The following PDGFC variants were observed in gnomAD, a reference collection of about 807,000 sequenced individuals.
The protein encoded by PDGFC is platelet-derived growth factor C.
Under a neutral mutation model 35.5 loss-of-function variants are expected in PDGFC, and 12 were observed. That is an observed-to-expected ratio of 0.34 (90% CI 0.22 to 0.55). PDGFC has a LOEUF of 0.55. PDGFC is among the 20% of genes least tolerant of loss of function. PDGFC has a pLI of 0.91. For synonymous variants in PDGFC, 159 were observed against 148.8 expected (o/e 1.07, Z -0.50); for missense variants, 322 against 412.4 (o/e 0.78, Z 1.90).
At chr4:156,845,495 A>C (rs1729305184) in intron 2 of PDGFC, among the ~76,000 whole-genome samples, 1 of 151,812 alleles carries the variant, frequency 6.6e-6, no homozygotes, top group East Asian at 1.9e-4. Context: ...ATCTAATTCC[A>C]ATTCTGTCGG....
intron 1 of PDGFC, among the ~76,000 whole-genome samples, chr4:156,965,297 G>C (rs1406934360): frequency 6.6e-6 from 1 of 152,048 alleles, no homozygotes; most frequent in Non-Finnish European, 1.5e-5. Flanking sequence ...ATACTCATCG[G>C]GCACACTCTG....
At chr4:156,837,481 T>C (rs930830933) in intron 2 of PDGFC, among the ~76,000 whole-genome samples, 2 of 152,270 alleles carry the variant, frequency 1.3e-5, no homozygotes, top group East Asian at 1.9e-4. Flanking sequence ...GATAGTAACA[T>C]GAATATTTCT....
At chr4:156,805,251 T>C (rs987526941) in intron 3 of PDGFC, among the ~76,000 whole-genome samples, 17 of 151,988 alleles carry the variant, frequency 1.1e-4, no homozygotes, top group Admixed American at 3.3e-4. Flanking sequence ...AATATACAAG[T>C]ATATTGTATA....
At chr4:156,796,544 C>T in intron 3 of PDGFC, among the ~76,000 whole-genome samples, 2 of 126,946 alleles carry the variant, frequency 1.6e-5, no homozygotes, top group East Asian at 2.5e-4. Flanking sequence ...ACAATTATCT[C>T]AAAATAAAAC....
At chr4:156,877,480 G>A (rs2111161187) in intron 1 of PDGFC, among the ~76,000 whole-genome samples, 1 of 152,126 alleles carries the variant, frequency 6.6e-6, no homozygotes, top group East Asian at 1.9e-4. Context: ...GACTATGTAA[G>A]TTATTTTTAT....
rs1305555094 is a variant in PDGFC, at chr4:156,826,183, T to A, written c.315-15166A>T. On this transcript the variant is annotated intron_variant, in intron 2 of 5. Transcript: ENST00000502773. The stretch of plus-strand genomic sequence containing the variant: ...TCCAGCTTTGAGTTGGATTTTTTTT[T>A]TTTTTTTTTTTTTTTTTTTTTTTTT... Among the ~76,000 whole-genome samples, 187 of 97,918 alleles carry A rather than the reference T, an allele frequency of 1.9e-3. 9 individuals carry two copies. In the East Asian group the frequency reaches 0.043, roughly 23 times the overall value. The allele number at this position is 97,918 out of a possible 152,430, so 64.2% of individuals were successfully genotyped here.
intron 1 of PDGFC, among the ~76,000 whole-genome samples, chr4:156,929,574 G>T (rs1731501464): frequency 1.3e-5 from 2 of 151,986 alleles, no homozygotes; most frequent in South Asian, 4.2e-4. Flanking sequence ...CAGCCTTCCG[G>T]AATATACCAA....
At chr4:156,934,068 T>C (rs1209944589) in intron 1 of PDGFC, among the ~76,000 whole-genome samples, 5 of 152,230 alleles carry the variant, frequency 3.3e-5, no homozygotes, top group African/African-American at 1.2e-4. Context: ...GCATGAATTA[T>C]AGTGCCTTGT....
chr4:156,925,608 G>A lies in PDGFC; in HGVS notation c.118+45178C>T, dbSNP rs935198688. Among the ~76,000 whole-genome samples, 3 of 152,086 alleles carry A rather than the reference G, an allele frequency of 2.0e-5. No homozygotes were observed. In the South Asian group the frequency reaches 6.2e-4, roughly 32 times the overall value. Reference sequence around the variant, plus strand: ...TTAAGATGCCTATGAGATCTCTGCAGATAGATAATTATACAGGTTTGGAAT... The same window carrying A: ...TTAAGATGCCTATGAGATCTCTGCAAATAGATAATTATACAGGTTTGGAAT... On this transcript the variant is annotated intron_variant, in intron 1 of 5. Transcript: ENST00000502773.
intron 3 of PDGFC, among the ~76,000 whole-genome samples, chr4:156,797,764 G>A (rs572779534): frequency 6.6e-5 from 10 of 152,300 alleles, no homozygotes; most frequent in South Asian, 2.1e-4. Context: ...GGTCACCTGC[G>A]AGCGGTTGAA....
At chr4:156,956,083 C>T (rs1401172000) in intron 1 of PDGFC, among the ~76,000 whole-genome samples, 2 of 152,032 alleles carry the variant, frequency 1.3e-5, no homozygotes, top group African/African-American at 2.4e-5. Context: ...ACACAAAGGA[C>T]ATTTTGTTTA....
chr4:156,924,285 G>A (rs1348347835), intron 1 of PDGFC, among the ~76,000 whole-genome samples: 3 of 152,138 alleles, frequency 2.0e-5, no homozygotes, highest in Non-Finnish European at 2.9e-5. Context: ...TTTATTCTGT[G>A]TAAAATCATT....
chr4:156,870,614 C>T (rs189366161), intron 1 of PDGFC, among the ~76,000 whole-genome samples: 29 of 152,160 alleles, frequency 1.9e-4, no homozygotes, highest in African/African-American at 7.0e-4. Flanking sequence ...ATTACGAAGA[C>T]ACTTCCACAA....
intron 1 of PDGFC, among the ~76,000 whole-genome samples, chr4:156,922,535 G>A (rs1169543932): frequency 6.6e-6 from 1 of 152,116 alleles, no homozygotes; most frequent in Admixed American, 6.5e-5. Context: ...ATGACAAAAT[G>A]GCACAGACCT....
intron 3 of PDGFC, among the ~76,000 whole-genome samples, chr4:156,779,532 C>T (rs913037691): frequency 6.6e-6 from 1 of 152,276 alleles, no homozygotes; most frequent in Non-Finnish European, 1.5e-5. Context: ...AAAAGCAATA[C>T]ATTTTAAGGC....
At chr4:156,767,685 T>G in intron 5 of PDGFC, 88 bp downstream of exon 5, 1 of 816,476 alleles carries the variant, frequency 1.2e-6, no homozygotes, top group Non-Finnish European at 2.0e-6. Flanking sequence ...TACGTCTTTT[T>G]TCCAAACATA....
intron 1 of PDGFC, among the ~76,000 whole-genome samples, chr4:156,870,973 T>C (rs1035259875): frequency 6.6e-6 from 1 of 152,062 alleles, no homozygotes; most frequent in Non-Finnish European, 1.5e-5. Flanking sequence ...GCTGAGTGGT[T>C]CAAAACACTA....
intron 1 of PDGFC, among the ~76,000 whole-genome samples, chr4:156,874,520 C>G (rs995713086): frequency 6.6e-6 from 1 of 151,872 alleles, no homozygotes; most frequent in Non-Finnish European, 1.5e-5. Flanking sequence ...ATATGCTTTG[C>G]CAAGAATTTC....
intron 1 of PDGFC, among the ~76,000 whole-genome samples, chr4:156,958,621 T>C (rs1015035565): frequency 2.0e-5 from 3 of 152,070 alleles, no homozygotes; most frequent in Non-Finnish European, 4.4e-5. Context: ...ATAAAAATTA[T>C]TTCGTTTCCT....
Sources: allele counts gnomAD v4.1 joint callset (sites outside exome capture counted in the v4.1 genomes callset), GRCh38; gene constraint gnomAD v4.1.1; transcripts MANE v1.5; gene names NCBI Gene and HGNC (gene_info 2026-07-23, HGNC 2026-07-21).